The following R3HDM2 variants were observed in gnomAD, a reference collection of about 807,000 sequenced individuals.
R3HDM2 encodes the protein R3H domain-containing protein 2.
A neutral mutation model predicts 124.5 loss-of-function variants in R3HDM2; 38 were observed. That is an observed-to-expected ratio of 0.31 (90% CI 0.24 to 0.40). The LOEUF (loss-of-function observed/expected upper bound fraction) is 0.40. Among genes scored for constraint, R3HDM2 ranks in the 10% least tolerant of loss-of-function variants. R3HDM2 has a pLI of 1.00. For missense variants in R3HDM2, 869 were observed against 1,236.9 expected (o/e 0.70, Z 4.46); for synonymous variants, 391 against 448.0 (o/e 0.87, Z 1.61).
chr12:57,416,620 A>C (rs2069633661), intron 1 of R3HDM2, among the ~76,000 whole-genome samples: 1 of 152,172 alleles, frequency 6.6e-6, no homozygotes, highest in Non-Finnish European at 1.5e-5. Flanking sequence ...CAGCCTGGGC[A>C]ACAAGGTGAA....
chr12:57,276,061 C>CA (rs1022922687), intron 14 of R3HDM2, among the ~76,000 whole-genome samples: 1 of 151,828 alleles, frequency 6.6e-6, no homozygotes, highest in African/African-American at 2.4e-5. Flanking sequence ...ACTAAAAATA[C>CA]AAAAAATTAG....
chr12:57,285,631 G>A (rs56205943), intron 12 of R3HDM2, among the ~76,000 whole-genome samples: 28,355 of 152,114 alleles, frequency 0.19, 3,115 homozygotes, highest in Admixed American at 0.28. Context: ...CCTGAAGTGA[G>A]AGACAACAGC....
chr12:57,331,953 G>C (rs2058256709), intron 2 of R3HDM2, among the ~76,000 whole-genome samples: 1 of 151,488 alleles, frequency 6.6e-6, no homozygotes, highest in African/African-American at 2.4e-5. Flanking sequence ...AGCTAGGCAT[G>C]GTGGCATGTA....
chr12:57,265,220 C>G (rs991266552), intron 19 of R3HDM2, among the ~76,000 whole-genome samples: 1 of 152,006 alleles, frequency 6.6e-6, no homozygotes, highest in African/African-American at 2.4e-5. Flanking sequence ...GTCAAAAGAC[C>G]CAAATTCAAG....
chr12:57,353,637 A>G (rs1286159916), intron 2 of R3HDM2, among the ~76,000 whole-genome samples: 1 of 151,866 alleles, frequency 6.6e-6, no homozygotes, highest in Non-Finnish European at 1.5e-5. Flanking sequence ...CTGGCCTCAA[A>G]CTCTTGGACT....
At chr12:57,306,464 A>G (rs2052596418) in intron 3 of R3HDM2, among the ~76,000 whole-genome samples, 1 of 151,470 alleles carries the variant, frequency 6.6e-6, no homozygotes, top group Non-Finnish European at 1.5e-5. Flanking sequence ...GCTGGAGTGC[A>G]GTGGTGTGAT....
intron 1 of R3HDM2, among the ~76,000 whole-genome samples, chr12:57,413,762 CA>C (rs966682727): frequency 6.7e-6 from 1 of 149,634 alleles, no homozygotes; most frequent in Non-Finnish European, 1.5e-5. Context: ...ACAACAACAA[CA>C]AAAAAAACAA....
Position 57,288,558 on chromosome 12 carries a change from C to A in R3HDM2, c.938+451G>T, listed in dbSNP as rs537497150. On this transcript the variant is annotated intron_variant, in intron 12 of 23. Coordinates refer to ENST00000402412, the MANE Select transcript of R3HDM2 (RefSeq NM_001394031.1). ...TTATCATAAATATGTTTGAATCTTT[C>A]AAAAATGCCCAATTCCAGCTAATTT... 6.8e-4 allele frequency among the ~76,000 whole-genome samples: 104 copies of A among 152,132 alleles called. 4 individuals carry two copies. In the South Asian group the frequency reaches 0.019, roughly 27 times the overall value.
intron 1 of R3HDM2, among the ~76,000 whole-genome samples, chr12:57,401,443 C>A (rs1594498121): frequency 1.3e-5 from 2 of 152,218 alleles, no homozygotes; most frequent in South Asian, 4.1e-4. Context: ...CCAGGTCCAA[C>A]CAGCCCCTAG....
intron 3 of R3HDM2, among the ~76,000 whole-genome samples, chr12:57,307,169 T>C (rs1368552461): frequency 6.6e-6 from 1 of 152,240 alleles, no homozygotes; most frequent in Non-Finnish European, 1.5e-5. Context: ...TCACACATTA[T>C]ATGTAATGAA....
chr12:57,296,083 G>A lies in R3HDM2; in HGVS notation c.701+328C>T, dbSNP rs1178856782. ...CGGGGTTTCACCATCTTGGCCAAGCGGGTCTTGAACTCCTGACCTTATGAT... is the reference window on the plus strand; with the variant it reads ...CGGGGTTTCACCATCTTGGCCAAGCAGGTCTTGAACTCCTGACCTTATGAT... On this transcript the variant is annotated intron_variant, in intron 9 of 23. Coordinates refer to ENST00000402412, the MANE Select transcript of R3HDM2 (RefSeq NM_001394031.1). The surrounding 1 kb of genome is among the most constrained non-coding windows in gnomAD (Gnocchi z 4.5). Among the ~76,000 whole-genome samples the A allele has an allele frequency of 1.3e-5, 2 of 151,778 alleles. No individual in the cohort carries two copies. Among genetic ancestry groups the A allele is most frequent in the Admixed American group, 1.3e-4 (2 of 15,216 alleles).
At chr12:57,260,659 C>T (rs977534594) in intron 19 of R3HDM2, among the ~76,000 whole-genome samples, 6 of 152,100 alleles carry the variant, frequency 3.9e-5, no homozygotes, top group Non-Finnish European at 5.9e-5. Flanking sequence ...GCTGAGTTCA[C>T]ACGTGGGTGG....
At chr12:57,265,112 G>C (rs550262743) in intron 19 of R3HDM2, among the ~76,000 whole-genome samples, 3 of 152,280 alleles carry the variant, frequency 2.0e-5, no homozygotes, top group African/African-American at 7.2e-5. Flanking sequence ...GCCCTTAGCT[G>C]TGTAACATGA....
At chr12:57,323,864 A>T (rs2056855659) in intron 2 of R3HDM2, among the ~76,000 whole-genome samples, 1 of 152,194 alleles carries the variant, frequency 6.6e-6, no homozygotes, top group Admixed American at 6.5e-5. Flanking sequence ...AAAGAGGAGC[A>T]GAGGGTCCTT....
chr12:57,370,273 T>C (rs1376983487), intron 2 of R3HDM2, among the ~76,000 whole-genome samples: 2 of 152,120 alleles, frequency 1.3e-5, no homozygotes, highest in Non-Finnish European at 2.9e-5. Flanking sequence ...ACATGCCTGC[T>C]TCCCTTTCCA....
intron 1 of R3HDM2, among the ~76,000 whole-genome samples, chr12:57,407,028 T>A (rs1709867): frequency 6.6e-6 from 1 of 152,098 alleles, no homozygotes; most frequent in South Asian, 2.1e-4. Flanking sequence ...GCGGGCGGAT[T>A]GCTTGCGGTC....
intron 2 of R3HDM2, among the ~76,000 whole-genome samples, chr12:57,317,139 C>G (rs1409456808): frequency 1.3e-5 from 2 of 150,936 alleles, no homozygotes; most frequent in African/African-American, 4.9e-5. Flanking sequence ...ACCTCAGCCT[C>G]TCAAAGCGAT....
chr12:57,267,215 TA>T (rs959963657), intron 18 of R3HDM2, among the ~76,000 whole-genome samples: 139 of 141,076 alleles, frequency 9.9e-4, no homozygotes, highest in Middle Eastern at 3.6e-3. Flanking sequence ...AAGAGATGGG[TA>T]AAAAAAAAAA....
chr12:57,313,485 G>A (rs927658926), intron 2 of R3HDM2, among the ~76,000 whole-genome samples: 1 of 151,370 alleles, frequency 6.6e-6, no homozygotes, highest in Non-Finnish European at 1.5e-5. Context: ...GATCACTTGA[G>A]CCCAGGAGGT....
Sources: allele counts gnomAD v4.1 joint callset (sites outside exome capture counted in the v4.1 genomes callset), GRCh38; gene constraint gnomAD v4.1.1; non-coding constraint Gnocchi (gnomAD v3.1); transcripts MANE v1.5; gene names NCBI Gene and HGNC (gene_info 2026-07-23, HGNC 2026-07-21).